The following KATNB1 variants were observed in gnomAD, a reference collection of about 807,000 sequenced individuals.
KATNB1 encodes katanin regulatory subunit B1.
A neutral mutation model predicts 82.3 loss-of-function variants in KATNB1; 38 were observed. The ratio of observed to expected loss-of-function variants is 0.46; its 90% CI spans 0.36 to 0.61. KATNB1 has a LOEUF of 0.61. KATNB1 is among the 20% of genes least tolerant of loss of function. The pLI, the probability that KATNB1 is intolerant of heterozygous loss-of-function variation, is 0.00. For synonymous variants in KATNB1, 361 were observed against 368.7 expected, an observed-to-expected ratio of 0.98 and a Z score of 0.24; for missense variants, 749 against 915.7, an observed-to-expected ratio of 0.82 and a Z score of 2.35.
intron 3 of KATNB1, among the ~76,000 whole-genome samples, chr16:57,742,062 C>T (rs1399965564): frequency 1.1e-4 from 16 of 152,298 alleles, no homozygotes; most frequent in Non-Finnish European, 2.1e-4. Flanking sequence ...CCCTCAGGAG[C>T]GAGGGAGTCA....
Position 57,757,215 on chromosome 16 carries a change from A to G in KATNB1, c.*269A>G, listed in dbSNP as rs782519245. On this transcript the variant is annotated 3_prime_UTR_variant, in exon 20 of 20. Transcript: ENST00000379661. Reference sequence around the variant, plus strand: ...CCCTGGGGCTGCTGCTGTAATTTATAAGGCAAATTTTATTAAATTTGTAAC... The same window carrying G: ...CCCTGGGGCTGCTGCTGTAATTTATGAGGCAAATTTTATTAAATTTGTAAC... The G allele has an allele frequency of 1.4e-4, 48 of 351,314 alleles. No homozygotes were observed. The highest frequency in any genetic ancestry group is 2.3e-4 in the Non-Finnish European group (45 of 196,524). The allele number at this position is 351,314 out of a possible 1,614,324, so 21.8% of individuals were successfully genotyped here.
intron 4 of KATNB1, among the ~76,000 whole-genome samples, chr16:57,746,659 T>C (rs1239280510): frequency 1.3e-5 from 2 of 151,176 alleles, no homozygotes; most frequent in Non-Finnish European, 3.0e-5. Context: ...TGGTGCCAGC[T>C]CTACGGATTT....
chr16:57,745,910 G>A (rs1451613435), intron 4 of KATNB1, among the ~76,000 whole-genome samples: 5 of 151,786 alleles, frequency 3.3e-5, no homozygotes, highest in Admixed American at 6.6e-5. Flanking sequence ...TAATCCAGGC[G>A]CCTTTTCTCA....
At chr16:57,742,852 C>G (rs980080040) in intron 3 of KATNB1, among the ~76,000 whole-genome samples, 1 of 152,194 alleles carries the variant, frequency 6.6e-6, no homozygotes, top group Non-Finnish European at 1.5e-5. Flanking sequence ...TTTGTTAAAG[C>G]TTTCAAAACA....
At chr16:57,737,411 A>G in intron 2 of KATNB1, 128 bp downstream of exon 2, 2 of 991,450 alleles carry the variant, frequency 2.0e-6, no homozygotes, top group East Asian at 2.6e-5. Context: ...TGGGAGTAAG[A>G]TAGACCATTA....
intron 2 of KATNB1, 52 bp from the exon 3 acceptor site, chr16:57,741,635 C>A: frequency 2.5e-6 from 4 of 1,568,960 alleles, no homozygotes; most frequent in South Asian, 1.2e-5. Context: ...CCCTCCTTCA[C>A]AAGGCCCCAT....
chr16:57,742,172 TC>T (rs1415127928), intron 3 of KATNB1, among the ~76,000 whole-genome samples: 10 of 152,228 alleles, frequency 6.6e-5, no homozygotes, highest in African/African-American at 2.4e-4. Context: ...ACCCCTCCCC[TC>T]CCACCTGCCC....
At chr16:57,754,101 C>T in intron 13 of KATNB1, 106 bp downstream of exon 13, 1 of 949,002 alleles carries the variant, frequency 1.1e-6, no homozygotes, top group Admixed American at 2.0e-5. Context: ...ACCCTCCCCT[C>T]TCAGGACACG....
At chr16:57,754,863 C>T (rs1555585036) in intron 13 of KATNB1, 67 bp from the exon 14 acceptor site, 5 of 1,535,810 alleles carry the variant, frequency 3.3e-6, no homozygotes, top group Non-Finnish European at 1.8e-6. Context: ...AGAGTCCCGC[C>T]CTGAGCCCTG....
rs938168787 is a variant in KATNB1, at chr16:57,751,403, A to G, written c.432+101A>G. The stretch of plus-strand genomic sequence containing the variant: ...AGGGGGTGGAGGGGACGGCTGTCCC[A>G]CATGGGTGATAACATAAAACATAGA... On this transcript the variant is annotated intron_variant, in intron 6 of 19. Transcript: ENST00000379661. The surrounding 1 kb of genome is among the most constrained non-coding windows in gnomAD (Gnocchi z 6.3). 5.7e-6 allele frequency: 7 copies of G among 1,217,664 alleles called. No homozygotes were observed. The highest frequency in any genetic ancestry group is 6.1e-6 in the Non-Finnish European group (5 of 822,674). The allele number at this position is 1,217,664 out of a possible 1,614,324, so 75.4% of individuals were successfully genotyped here.
chr16:57,742,796 C>G (rs1314153595), intron 3 of KATNB1, among the ~76,000 whole-genome samples: 1 of 152,252 alleles, frequency 6.6e-6, no homozygotes, highest in Non-Finnish European at 1.5e-5. Context: ...CACCTAGATC[C>G]TTGAGCAGAT....
Position 57,750,754 on chromosome 16 carries a change from C to T in KATNB1, c.290-73C>T, listed in dbSNP as rs112690074. On this transcript the variant is annotated intron_variant, in intron 4 of 19. Coordinates refer to ENST00000379661, the MANE Select transcript of KATNB1 (RefSeq NM_005886.3). ...TAATCCAAAAGCGCACACACAAATGCCCACAGCAGCCCTTCCTCTGCCAGC... is the reference window on the plus strand; with the variant it reads ...TAATCCAAAAGCGCACACACAAATGTCCACAGCAGCCCTTCCTCTGCCAGC... The T allele has an allele frequency of 6.4e-4, 719 of 1,123,068 alleles. 5 individuals carry two copies. In the African/African-American group the frequency reaches 8.6e-3, roughly 13 times the overall value. The allele number at this position is 1,123,068 out of a possible 1,614,324, so 69.6% of individuals were successfully genotyped here.
intron 4 of KATNB1, among the ~76,000 whole-genome samples, chr16:57,746,371 CCTCT>C (rs1555581443): frequency 6.8e-6 from 1 of 147,736 alleles, no homozygotes; most frequent in Non-Finnish European, 1.5e-5. Flanking sequence ...TCTTTTCTTT[CCTCT>C]CTCTCTCTGT....
rs899699743 is a variant in KATNB1, at chr16:57,741,829, C to T, written c.171+12C>T. The T allele has an allele frequency of 1.9e-6, 3 of 1,611,232 alleles. No homozygotes were observed. The highest frequency in any genetic ancestry group is 2.5e-6 in the Non-Finnish European group (3 of 1,179,102). ...CCAACTGCATCATGGTGAGCCCCGA[C>T]AGCTGGCGGGGGGTCAGGACAAGGG... is the stretch of plus-strand genomic sequence containing the variant. On this transcript the variant is annotated intron_variant, in intron 3 of 19. Transcript: ENST00000379661.
intron 2 of KATNB1, among the ~76,000 whole-genome samples, chr16:57,740,868 C>T (rs1011915670): frequency 6.6e-6 from 1 of 152,198 alleles, no homozygotes; most frequent in Non-Finnish European, 1.5e-5. Flanking sequence ...GCCCAGGCCC[C>T]CATGCCCACT....
Position 57,738,412 on chromosome 16 carries a change from C to T in KATNB1, c.40+1129C>T, listed in dbSNP as rs375764974. 2.2e-4 allele frequency among the ~76,000 whole-genome samples: 34 copies of T among 152,182 alleles called. No homozygotes were observed. The East Asian group carries it at 4.6e-3, about 21-fold the overall frequency. On this transcript the variant is annotated intron_variant, in intron 2 of 19. Transcript: ENST00000379661. Reference sequence around the variant, plus strand: ...CTGGGATCACAGGCACCCGCCACCACACCCGGCTAATTTTTGTATTTTTAG... The same window carrying T: ...CTGGGATCACAGGCACCCGCCACCATACCCGGCTAATTTTTGTATTTTTAG...
At chr16:57,745,856 GC>G in intron 4 of KATNB1, among the ~76,000 whole-genome samples, 1 of 150,988 alleles carries the variant, frequency 6.6e-6, no homozygotes, top group Middle Eastern at 3.4e-3. Flanking sequence ...CAAATTCTCT[GC>G]CAGAAGAGTA....
intron 2 of KATNB1, among the ~76,000 whole-genome samples, chr16:57,738,968 T>G: frequency 6.9e-6 from 1 of 144,370 alleles, no homozygotes; most frequent in African/African-American, 2.6e-5. Flanking sequence ...GGGGTAGGGG[T>G]AGGGGTGGGG....
chr16:57,742,688 G>A (rs964931941), intron 3 of KATNB1, among the ~76,000 whole-genome samples: 1 of 152,250 alleles, frequency 6.6e-6, no homozygotes, highest in Non-Finnish European at 1.5e-5. Flanking sequence ...TTGTAGGGAT[G>A]AGCCGTAATT....
Sources: gnomAD v4.1 joint callset for allele counts (sites outside exome capture counted in the v4.1 genomes callset) on GRCh38, gnomAD v4.1.1 for gene constraint, Gnocchi (gnomAD v3.1) non-coding constraint, MANE v1.5 for transcripts, NCBI Gene and HGNC (gene_info 2026-07-23, HGNC 2026-07-21) for gene names.